Variants in ALK observed in about 807,000 individuals in gnomAD.
The protein encoded by ALK is ALK receptor tyrosine kinase, also known as ALK tyrosine kinase receptor.
A neutral mutation model predicts 163.1 loss-of-function variants in ALK; 74 were observed. The observed-to-expected ratio is 0.45, with a 90% CI of 0.38 to 0.55. ALK has a LOEUF of 0.55. Ranked by LOEUF, ALK falls within the 20% of genes least tolerant of loss-of-function variation. ALK has a pLI of 0.00. For missense variants in ALK, 2,063 were observed against 2,105.3 expected (o/e 0.98, Z 0.39); for synonymous variants, 960 against 843.2 (o/e 1.14, Z -2.40).
intron 3 of ALK, among the ~76,000 whole-genome samples, chr2:29,609,497 A>C (rs1675631156): frequency 6.6e-6 from 1 of 152,180 alleles, no homozygotes; most frequent in Non-Finnish European, 1.5e-5. Context: ...AAAATTAATA[A>C]AATTTTAGAA....
intron 1 of ALK, among the ~76,000 whole-genome samples, chr2:29,919,277 G>A (rs1257574693): frequency 6.6e-6 from 1 of 152,128 alleles, no homozygotes; most frequent in Non-Finnish European, 1.5e-5. Context: ...GTTTCTCCCT[G>A]GCTTCATAGT....
chr2:29,758,703 C>T (rs940597461), intron 1 of ALK, among the ~76,000 whole-genome samples: 1 of 152,182 alleles, frequency 6.6e-6, no homozygotes, highest in Admixed American at 6.5e-5. Context: ...CCTTTCTGGC[C>T]TCTTCCTGCT....
At chr2:29,554,267 G>C (rs1673788965) in intron 3 of ALK, among the ~76,000 whole-genome samples, 1 of 152,178 alleles carries the variant, frequency 6.6e-6, no homozygotes, top group Non-Finnish European at 1.5e-5. Context: ...CCTTTGTAAA[G>C]AGTCACTAAC....
At position 29,845,575 on chromosome 2, in the gene ALK, C is replaced by T. The variant is rs146712336; in HGVS notation, c.667+74418G>A. ...TCAGCCTCCCAAGTAGCTGGGAGTA[C>T]GGGCATGTGCCATCATGACCGGCCA... On this transcript the variant is annotated intron_variant, in intron 1 of 28. Transcript: ENST00000389048. Among the ~76,000 whole-genome samples the T allele has an allele frequency of 2.1e-3, 315 of 152,236 alleles. 3 individuals are homozygous for T. Among genetic ancestry groups the T allele is most frequent in the African/African-American group, 7.3e-3 (304 of 41,534 alleles).
chr2:29,556,280 G>A (rs1230437448), intron 3 of ALK, among the ~76,000 whole-genome samples: 1 of 152,154 alleles, frequency 6.6e-6, no homozygotes, highest in East Asian at 1.9e-4. Context: ...AAGTGTCTAT[G>A]AAATAGGGAC....
At chr2:29,453,365 G>T (rs1670870421) in intron 4 of ALK, among the ~76,000 whole-genome samples, 1 of 151,880 alleles carries the variant, frequency 6.6e-6, no homozygotes. Flanking sequence ...TGAGTAGCTG[G>T]GACTACAAGT....
At position 29,349,617 on chromosome 2, in the gene ALK, C is replaced by A. The variant is rs561500382; in HGVS notation, c.1283-21136G>T. Among the ~76,000 whole-genome samples the A allele has an allele frequency of 1.1e-4, 17 of 152,338 alleles. No individual in the cohort carries two copies. The East Asian group carries it at 2.5e-3, about 22-fold the overall frequency. ...TACTCTAGTGCAAAAATCAGGGCAG[C>A]TTGCTCTGGCCAAAGGCCTCCCCTT... On this transcript the variant is annotated intron_variant, in intron 5 of 28. Transcript: ENST00000389048.
chr2:29,286,814 C>A (rs772483795), intron 9 of ALK: 1 of 151,998 alleles, frequency 6.6e-6, no homozygotes, highest in African/African-American at 2.4e-5. Flanking sequence ...GGAGAAGAAG[C>A]GTGATCAATG....
chr2:29,365,764 T>C (rs1668489601), intron 5 of ALK, among the ~76,000 whole-genome samples: 1 of 152,198 alleles, frequency 6.6e-6, no homozygotes, highest in Admixed American at 6.5e-5. Context: ...CCATCATAAC[T>C]GTCATGGAAA....
chr2:29,768,332 A>C (rs1405638566), intron 1 of ALK, among the ~76,000 whole-genome samples: 1 of 152,240 alleles, frequency 6.6e-6, no homozygotes, highest in African/African-American at 2.4e-5. Context: ...GGGAGAGCTG[A>C]TGGCTTTTTG....
chr2:29,883,547 C>T (rs918583942), intron 1 of ALK, among the ~76,000 whole-genome samples: 3 of 152,214 alleles, frequency 2.0e-5, no homozygotes, highest in Non-Finnish European at 4.4e-5. Context: ...TCTAGCATAA[C>T]ACCAGGCTCA....
At chr2:29,842,318 G>T (rs1321443752) in intron 1 of ALK, among the ~76,000 whole-genome samples, 1 of 152,140 alleles carries the variant, frequency 6.6e-6, no homozygotes, top group African/African-American at 2.4e-5. Flanking sequence ...AAGTAACAAG[G>T]GATTTATTGG....
chr2:29,841,823 C>T (rs958588488), intron 1 of ALK, among the ~76,000 whole-genome samples: 2 of 152,162 alleles, frequency 1.3e-5, no homozygotes, highest in African/African-American at 4.8e-5. Context: ...GAATCAAGGC[C>T]TTATCTGACC....
chr2:29,411,749 A>T (rs1669729969), intron 4 of ALK, among the ~76,000 whole-genome samples: 1 of 152,192 alleles, frequency 6.6e-6, no homozygotes, highest in Non-Finnish European at 1.5e-5. Flanking sequence ...ACAACTCATT[A>T]GTCAATTCCT....
chr2:29,549,612 A>C (rs1469747626), intron 3 of ALK, among the ~76,000 whole-genome samples: 2 of 152,326 alleles, frequency 1.3e-5, no homozygotes, highest in Admixed American at 1.3e-4. Flanking sequence ...AGTTATTGGA[A>C]AAATATGTTT....
intron 1 of ALK, among the ~76,000 whole-genome samples, chr2:29,773,516 C>T (rs1473938112): frequency 6.6e-6 from 1 of 152,152 alleles, no homozygotes; most frequent in Non-Finnish European, 1.5e-5. Context: ...GGTGAGTTTC[C>T]TCCAAGGACA....
Position 29,275,483 on chromosome 2 carries a change from T to C in ALK, c.1831A>G (p.Met611Val). 6.2e-7 allele frequency: 1 copy of C among 1,614,116 alleles called. No homozygotes were observed. Among genetic ancestry groups the C allele is most frequent in the Non-Finnish European group, 8.5e-7 (1 of 1,179,998 alleles). Reference sequence around the variant, plus strand: ...GATCCTTGTCCCCACCATGCGACCATCTGCAGCCAGAACCTGTACACATCA... The same window carrying C: ...GATCCTTGTCCCCACCATGCGACCACCTGCAGCCAGAACCTGTACACATCA... ...LDVSDRFWLQ[M>V]VAWWGQGSRA... The change falls in exon 10 of 29, where the codon ATG becomes GTG. Residue 611 changes from methionine to valine, a missense_variant. By Grantham distance (21) the Met-to-Val change is conservative (BLOSUM62 1). This residue lies in a region of ALK where 987 missense variants were observed against 939.5 expected (regional missense o/e 1.05). Transcript: ENST00000389048.
intron 1 of ALK, among the ~76,000 whole-genome samples, chr2:29,823,853 T>C (rs1050945525): frequency 3.9e-5 from 6 of 152,154 alleles, no homozygotes; most frequent in Non-Finnish European, 8.8e-5. Context: ...AAGCCAGCTG[T>C]AGAAATTTGC....
chr2:29,408,316 C>T (rs936237065), intron 4 of ALK, among the ~76,000 whole-genome samples: 1 of 151,926 alleles, frequency 6.6e-6, no homozygotes, highest in African/African-American at 2.4e-5. Context: ...TCTCGATCTC[C>T]TGACCTCATG....
Sources: gnomAD v4.1 joint callset for allele counts (sites outside exome capture counted in the v4.1 genomes callset) on GRCh38, gnomAD v4.1.1 for gene constraint, gnomAD v4.1.1 regional missense constraint, MANE v1.5 for transcripts, NCBI Gene and HGNC (gene_info 2026-07-23, HGNC 2026-07-21) for gene names.